The following MORC1 variants were observed in gnomAD, a reference collection of about 807,000 sequenced individuals.
The protein encoded by MORC1 is MORC family CW-type zinc finger protein 1.
Under a neutral mutation model 134.9 loss-of-function variants are expected in MORC1, and 59 were observed. That is an observed-to-expected ratio of 0.44 (90% confidence interval 0.35 to 0.54). MORC1 has a LOEUF of 0.54. Ranked by LOEUF, MORC1 falls within the 20% of genes least tolerant of loss-of-function variation. The pLI, the probability that MORC1 is intolerant of heterozygous loss-of-function variation, is 0.00. For synonymous variants in MORC1, 395 were observed against 391.7 expected (o/e 1.01, Z -0.10); for missense variants, 947 against 1,134.5 (o/e 0.83, Z 2.37).
chr3:109,104,649 G>A (rs1950989452), intron 3 of MORC1, among the ~76,000 whole-genome samples: 1 of 152,012 alleles, frequency 6.6e-6, no homozygotes. Context: ...AAGGTAGTAA[G>A]ACTTTGTCTC....
rs1242751090 is a variant in MORC1 at position 109,084,680 on chromosome 3, C to G, written c.689+8756G>C. On this transcript the variant is annotated intron_variant, in intron 8 of 27. Transcript: ENST00000232603. ...AATTTATATGGAACCACAGAAGACACTGAATAGCCAAAGCAATCCTGATCA... is the reference window on the plus strand; with the variant it reads ...AATTTATATGGAACCACAGAAGACAGTGAATAGCCAAAGCAATCCTGATCA... Among the ~76,000 whole-genome samples, 5 of 152,068 alleles carry G rather than the reference C, an allele frequency of 3.3e-5. No individual in the cohort carries two copies. In the East Asian group the frequency reaches 9.6e-4, roughly 29 times the overall value.
chr3:108,962,278 A>AT (rs1227613271), intron 27 of MORC1, among the ~76,000 whole-genome samples: 1 of 144,474 alleles, frequency 6.9e-6, no homozygotes, highest in Non-Finnish European at 1.5e-5. Context: ...AATTAAGCAA[A>AT]TAAAAAAAAA....
At chr3:109,038,267 T>G (rs1949426494) in intron 14 of MORC1, among the ~76,000 whole-genome samples, 2 of 148,466 alleles carry the variant, frequency 1.3e-5, no homozygotes, top group African/African-American at 4.9e-5. Flanking sequence ...GTTCATATCC[T>G]TTGCCCACTT....
chr3:108,984,732 A>G lies in MORC1; in HGVS notation c.2308T>C (p.Leu770=), dbSNP rs747638308. The G allele has an allele frequency of 6.2e-7, 1 of 1,608,902 alleles. No individual in the cohort carries two copies. The highest frequency in any genetic ancestry group is 2.3e-5 in the East Asian group (1 of 44,232). ...DVLAMKRSSS[L]PSWKSLLNVP... ...TACACTCACCTTTTCCAGCTAGGTA[A>G]TGAAGAGCTTCTTTTCATTGCTAGA... Residue 770 remains leucine, a synonymous_variant, in exon 23 of 28, where the codon TTA becomes CTA. Transcript: ENST00000232603.
At chr3:109,065,754 T>C (rs1950181217) in intron 9 of MORC1, among the ~76,000 whole-genome samples, 1 of 152,130 alleles carries the variant, frequency 6.6e-6, no homozygotes, top group Non-Finnish European at 1.5e-5. Flanking sequence ...CGCAAAGACA[T>C]GGAATTGGTC....
At chr3:109,023,607 C>G (rs1273889134) in intron 17 of MORC1, among the ~76,000 whole-genome samples, 1 of 152,042 alleles carries the variant, frequency 6.6e-6, no homozygotes, top group African/African-American at 2.4e-5. Context: ...AAACTAGATT[C>G]TGTGTGCATG....
chr3:109,042,488 G>T (rs769578837), intron 14 of MORC1, among the ~76,000 whole-genome samples: 24 of 152,174 alleles, frequency 1.6e-4, no homozygotes, highest in Non-Finnish European at 3.2e-4. Flanking sequence ...GCAAGAGTAT[G>T]AATTAGTGTA....
At chr3:109,076,052 C>G (rs1406181443) in intron 8 of MORC1, among the ~76,000 whole-genome samples, 1 of 152,066 alleles carries the variant, frequency 6.6e-6, no homozygotes, top group Non-Finnish European at 1.5e-5. Flanking sequence ...AGGCAACCTA[C>G]AGAATGGGGG....
In MORC1 at chr3:109,035,327, C is replaced by T. The variant is rs767115079; in HGVS notation, c.1459+13G>A. On this transcript the variant is annotated intron_variant, in intron 15 of 27. Transcript: ENST00000232603. The stretch of plus-strand genomic sequence containing the variant: ...CTTAACATTTGGTAATTATAATGGA[C>T]TTCAACACTCACCACATTGTATGAT... The T allele has an allele frequency of 1.0e-5, 16 of 1,579,790 alleles. No individual in the cohort carries two copies. In the Admixed American group the frequency reaches 2.6e-4, roughly 25 times the overall value.
chr3:109,073,991 T>C (rs1196034757), intron 8 of MORC1, among the ~76,000 whole-genome samples: 2 of 152,216 alleles, frequency 1.3e-5, no homozygotes, highest in Non-Finnish European at 2.9e-5. Context: ...AGCAGCACAT[T>C]AGAACAATTT....
chr3:109,064,188 T>G (rs1559930802), intron 9 of MORC1, among the ~76,000 whole-genome samples: 1 of 152,172 alleles, frequency 6.6e-6, no homozygotes, highest in Non-Finnish European at 1.5e-5. Flanking sequence ...GGAAAGATAT[T>G]TATTAAACTT....
intron 23 of MORC1, 100 bp from the exon 24 acceptor site, chr3:108,979,767 A>C: frequency 7.2e-7 from 1 of 1,388,338 alleles, no homozygotes; most frequent in Non-Finnish European, 9.8e-7. Flanking sequence ...ACAACAAATG[A>C]GAACAAGAAC....
intron 2 of MORC1, among the ~76,000 whole-genome samples, chr3:109,112,763 C>A (rs1043066861): frequency 1.3e-5 from 2 of 152,038 alleles, no homozygotes; most frequent in African/African-American, 4.8e-5. Context: ...TTCCTTTTTT[C>A]TCCCTTCCTT....
At chr3:109,098,033 G>A (rs1206409578) in intron 6 of MORC1, among the ~76,000 whole-genome samples, 1 of 152,162 alleles carries the variant, frequency 6.6e-6, no homozygotes, top group African/African-American at 2.4e-5. Flanking sequence ...ATGCTATTTA[G>A]AGATACATAG....
At chr3:109,041,993 C>T (rs989828000) in intron 14 of MORC1, among the ~76,000 whole-genome samples, 1 of 151,736 alleles carries the variant, frequency 6.6e-6, no homozygotes, top group African/African-American at 2.4e-5. Context: ...AACTAGACAT[C>T]ATCAAGTAAG....
intron 8 of MORC1, among the ~76,000 whole-genome samples, chr3:109,075,172 G>A (rs189138963): frequency 1.3e-5 from 2 of 152,234 alleles, no homozygotes; most frequent in Admixed American, 1.3e-4. Context: ...TAATGTCTCT[G>A]CTGATAGATC....
At chr3:109,030,071 G>C (rs1949205825) in intron 16 of MORC1, among the ~76,000 whole-genome samples, 2 of 152,142 alleles carry the variant, frequency 1.3e-5, no homozygotes, top group Non-Finnish European at 2.9e-5. Context: ...GTTACACATT[G>C]TTCATTCAAA....
At position 109,027,731 on chromosome 3, in the gene MORC1, A is replaced by G. The variant is rs761097625; in HGVS notation, c.1704+20T>C. 1 of 1,613,592 alleles carries G rather than the reference A, an allele frequency of 6.2e-7. No individual in the cohort carries two copies. The highest frequency in any genetic ancestry group is 1.3e-5 in the African/African-American group (1 of 75,008). ...TTAAAGAGTCACAGTAGAATTAGGG[A>G]GGAATTAATCACAACTCACCTGTGG... is the stretch of plus-strand genomic sequence containing the variant. On this transcript the variant is annotated intron_variant, in intron 17 of 27. Coordinates refer to ENST00000232603, the MANE Select transcript of MORC1 (RefSeq NM_014429.4).
intron 14 of MORC1, among the ~76,000 whole-genome samples, chr3:109,039,502 G>A (rs1232177963): frequency 6.6e-6 from 1 of 152,194 alleles, no homozygotes; most frequent in Non-Finnish European, 1.5e-5. Flanking sequence ...TCACCACCTA[G>A]ACAAAAACTG....
Sources: allele counts gnomAD v4.1 joint callset (sites outside exome capture counted in the v4.1 genomes callset), GRCh38; gene constraint gnomAD v4.1.1; transcripts MANE v1.5; gene names NCBI Gene and HGNC (gene_info 2026-07-23, HGNC 2026-07-21).